PRUNE2: variants seen among roughly 807,000 people sequenced by gnomAD.
PRUNE2 encodes prune homolog 2 with BCH domain, also known as protein prune homolog 2.
In PRUNE2, 164 loss-of-function variants were observed where a neutral mutation model predicts 252.0. That is an observed-to-expected ratio of 0.65 (90% CI 0.57 to 0.74). The LOEUF is 0.74. Among genes scored for constraint, PRUNE2 ranks in the 30% least tolerant of loss-of-function variants. The pLI, the probability that PRUNE2 is intolerant of heterozygous loss-of-function variation, is 0.00. For missense variants in PRUNE2, 3,495 were observed against 3,711.0 expected (o/e 0.94, Z 1.51); for synonymous variants, 1,292 against 1,350.2 (o/e 0.96, Z 0.94).
intron 9 of PRUNE2, among the ~76,000 whole-genome samples, chr9:76,666,283 G>A (rs189987562): frequency 3.1e-4 from 47 of 152,262 alleles, no homozygotes; most frequent in Non-Finnish European, 5.1e-4. Context: ...CTCTTTCCCC[G>A]GGGAAGTTTA....
chr9:76,699,663 C>G (rs749477571), intron 9 of PRUNE2, among the ~76,000 whole-genome samples: 16 of 152,158 alleles, frequency 1.1e-4, no homozygotes, highest in Non-Finnish European at 2.1e-4. Flanking sequence ...GACTTGCCAG[C>G]CCCCATAATC....
chr9:76,620,437 G>A (rs1587696831), intron 17 of PRUNE2, among the ~76,000 whole-genome samples: 1 of 152,006 alleles, frequency 6.6e-6, no homozygotes, highest in Non-Finnish European at 1.5e-5. Context: ...CACTGTGCCC[G>A]GCCTCCCATA....
intron 9 of PRUNE2, among the ~76,000 whole-genome samples, chr9:76,665,272 C>G (rs1293251448): frequency 6.6e-6 from 1 of 152,192 alleles, no homozygotes; most frequent in Non-Finnish European, 1.5e-5. Flanking sequence ...CCCACTTAGC[C>G]TTGCCAATCT....
Position 76,707,704 on chromosome 9 carries a change from C to A in PRUNE2, c.4570G>T (p.Gly1524Ter). 1 of 1,613,916 alleles carries A rather than the reference C, an allele frequency of 6.2e-7. No homozygotes were observed. The highest frequency in any genetic ancestry group is 8.5e-7 in the Non-Finnish European group (1 of 1,179,864). ...DVKGSENSLPGAGSSGNFDRD... is the reference protein window; with the variant it reads ...DVKGSENSLP Reference sequence around the variant, plus strand: ...TCAAAATTTCCAGACGAACCGGCTCCTGGAAGGCTATTTTCAGACCCCTTA... The same window carrying A: ...TCAAAATTTCCAGACGAACCGGCTCATGGAAGGCTATTTTCAGACCCCTTA... The change falls in exon 8 of 19, where the codon GGA becomes TGA. Residue 1524 changes from glycine to a stop codon, truncating the protein, a stop_gained. Coordinates refer to ENST00000376718, the MANE Select transcript of PRUNE2 (RefSeq NM_015225.3). LOFTEE classifies it high-confidence loss of function.
chr9:76,629,969 C>A (rs1299015682), intron 15 of PRUNE2, among the ~76,000 whole-genome samples: 1 of 152,100 alleles, frequency 6.6e-6, no homozygotes, highest in Non-Finnish European at 1.5e-5. Flanking sequence ...AGATACAGAG[C>A]AGTTAAGTGT....
At chr9:76,851,443 G>C (rs2059953931) in intron 2 of PRUNE2, among the ~76,000 whole-genome samples, 1 of 151,998 alleles carries the variant, frequency 6.6e-6, no homozygotes, top group Non-Finnish European at 1.5e-5. Context: ...AGCTACTTGG[G>C]AGGCTGAGGC....
In PRUNE2 at chr9:76,866,666, C is replaced by G. The variant is rs553432986; in HGVS notation, c.37-12458G>C. Among the ~76,000 whole-genome samples, 4 of 149,954 alleles carry G rather than the reference C, an allele frequency of 2.7e-5. No individual in the cohort carries two copies. The South Asian group carries it at 6.3e-4, about 24-fold the overall frequency. ...CTCTCTGCTGACGTATGTTTGAAAA[C>G]TTAAGTACAAAAAAGGAAGGAAGGA... On this transcript the variant is annotated intron_variant, in intron 1 of 18. Transcript: ENST00000376718.
chr9:76,660,654 C>T (rs954931674), intron 9 of PRUNE2, among the ~76,000 whole-genome samples: 3 of 151,640 alleles, frequency 2.0e-5, no homozygotes, highest in Non-Finnish European at 4.4e-5. Flanking sequence ...TGGTGGTGCA[C>T]ACCTGTAATC....
At chr9:76,701,016 G>C (rs1473243005) in intron 9 of PRUNE2, among the ~76,000 whole-genome samples, 2 of 152,198 alleles carry the variant, frequency 1.3e-5, no homozygotes, top group Non-Finnish European at 1.5e-5. Flanking sequence ...TAACTCTTTA[G>C]TTAAACTGTA....
chr9:76,632,670 A>G (rs1369232426), intron 15 of PRUNE2, among the ~76,000 whole-genome samples: 1 of 152,086 alleles, frequency 6.6e-6, no homozygotes, highest in Non-Finnish European at 1.5e-5. Context: ...TAATCCTCCT[A>G]TCTCTGCCTC....
At chr9:76,691,906 AGCTGTCAGTT>A (rs918893054) in intron 9 of PRUNE2, 101 of 601,340 alleles carry the variant, frequency 1.7e-4, no homozygotes, top group Middle Eastern at 3.8e-4. Context: ...TGCAGCTGGC[AGCTGTCAGTT>A]GCAAGGGGCT....
chr9:76,891,915 T>C (rs1252239486), intron 1 of PRUNE2, among the ~76,000 whole-genome samples: 2 of 151,990 alleles, frequency 1.3e-5, no homozygotes, highest in Non-Finnish European at 2.9e-5. Flanking sequence ...GTTAATCAAA[T>C]GAGATCAAGT....
chr9:76,785,400 G>T (rs1384584723), intron 6 of PRUNE2: 1 of 152,120 alleles, frequency 6.6e-6, no homozygotes, highest in Non-Finnish European at 1.5e-5. Context: ...AATGTTTATG[G>T]GGCACGTTTG....
At chr9:76,889,629 C>A (rs1005676062) in intron 1 of PRUNE2, among the ~76,000 whole-genome samples, 1 of 152,126 alleles carries the variant, frequency 6.6e-6, no homozygotes, top group Admixed American at 6.5e-5. Context: ...CAAAAAGATT[C>A]TTTTTTCCTC....
intron 9 of PRUNE2, among the ~76,000 whole-genome samples, chr9:76,659,384 A>G (rs550940191): frequency 6.6e-6 from 1 of 152,374 alleles, no homozygotes; most frequent in East Asian, 1.9e-4. Flanking sequence ...ATCAAAGCAT[A>G]TAGGAACAAA....
chr9:76,695,280 T>TGAATGAAAATTGAAGGG (rs2045274936), intron 9 of PRUNE2, among the ~76,000 whole-genome samples: 1 of 110,812 alleles, frequency 9.0e-6, no homozygotes, highest in Admixed American at 1.1e-4. Context: ...TCACGTGATC[T>TGAATGAAAATTGAAGGG]GCCCGACTCA....
At chr9:76,824,492 T>A (rs542658915) in intron 5 of PRUNE2, among the ~76,000 whole-genome samples, 1 of 152,326 alleles carries the variant, frequency 6.6e-6, no homozygotes, top group South Asian at 2.1e-4. Flanking sequence ...GCTCTGACAA[T>A]AAGAGTTATT....
chr9:76,826,397 C>T (rs139998207), intron 5 of PRUNE2, among the ~76,000 whole-genome samples, 183 bp downstream of exon 5: 303 of 152,224 alleles, frequency 2.0e-3, no homozygotes, highest in Non-Finnish European at 2.9e-3. Context: ...CACCTGAACC[C>T]GGGAGGTCGA....
At chr9:76,770,561 T>C (rs933063939) in intron 6 of PRUNE2, among the ~76,000 whole-genome samples, 2 of 152,192 alleles carry the variant, frequency 1.3e-5, no homozygotes, top group African/African-American at 2.4e-5. Flanking sequence ...TGAAATATTA[T>C]GGTAAAATTA....
Sources: allele counts gnomAD v4.1 joint callset (sites outside exome capture counted in the v4.1 genomes callset), GRCh38; gene constraint gnomAD v4.1.1; transcripts MANE v1.5; gene names NCBI Gene and HGNC (gene_info 2026-07-23, HGNC 2026-07-21).